Variants in ZNF865 observed in about 807,000 individuals in gnomAD.
ZNF865 encodes zinc finger protein 865.
For missense variants in ZNF865, 1,311 were observed against 1,593.4 expected (o/e 0.82, Z 3.02); for synonymous variants, 763 against 750.8 (o/e 1.02, Z -0.27).
chr19:55,609,750 C>T (rs1049771440), intron 1 of ZNF865, among the ~76,000 whole-genome samples: 1 of 152,140 alleles, frequency 6.6e-6, no homozygotes, highest in Non-Finnish European at 1.5e-5. Flanking sequence ...AAATGTGAAC[C>T]GTTAATACAC....
At position 55,614,241 on chromosome 19, in the gene ZNF865, A is replaced by G; in HGVS notation, c.623A>G (p.Asp208Gly). The part of the protein sequence containing the change: ...PAAAACDPTK[D>G]DKGYFRRLKY... ...GCGGCGGCCTGCGACCCCACCAAGGACGACAAGGGCTACTTCCGGAGACTG... is the reference window on the plus strand; with the variant it reads ...GCGGCGGCCTGCGACCCCACCAAGGGCGACAAGGGCTACTTCCGGAGACTG... The change falls in exon 2 of 2, where the codon GAC becomes GGC. Residue 208 changes from aspartate to glycine, a missense_variant. Transcript: ENST00000568956. This position sits in a 1 kb window ranked among gnomAD's most constrained non-coding sequence, Gnocchi z 8.0. The G allele has an allele frequency of 6.6e-7, 1 of 1,511,822 alleles. No individual in the cohort carries two copies. Among genetic ancestry groups the G allele is most frequent in the East Asian group, 2.6e-5 (1 of 38,076 alleles). 93.7% of individuals were successfully genotyped at this position (1,511,822 alleles called of 1,614,324 possible).
At chr19:55,612,741 T>G (rs1210986578) in intron 1 of ZNF865, 1 of 152,272 alleles carries the variant, frequency 6.6e-6, no homozygotes, top group Non-Finnish European at 1.5e-5. Context: ...ATGTGTGTGT[T>G]GAATCCTCAC....
At position 55,611,195 on chromosome 19, in the gene ZNF865, G is replaced by A. The variant is rs1226278229; in HGVS notation, c.-26-2398G>A. 1.3e-5 allele frequency among the ~76,000 whole-genome samples: 2 copies of A among 152,144 alleles called. No individual in the cohort carries two copies. The highest frequency in any genetic ancestry group is 6.5e-5 in the Admixed American group (1 of 15,274). ...GCGGGAACAGCTGCCCCTATTTAGAGTTGTGGGGAGTCAGTGAATTAATAT... is the reference window on the plus strand; with the variant it reads ...GCGGGAACAGCTGCCCCTATTTAGAATTGTGGGGAGTCAGTGAATTAATAT... On this transcript the variant is annotated intron_variant, in intron 1 of 1. Coordinates refer to ENST00000568956, the MANE Select transcript of ZNF865 (RefSeq NM_001195605.2). This position sits in a 1 kb window ranked among gnomAD's most constrained non-coding sequence, Gnocchi z 4.5.
rs915497398 is a variant in ZNF865 at position 55,615,603 on chromosome 19, G to A, written c.1985G>A (p.Gly662Glu). Residue 662 changes from glycine to glutamate, a missense_variant, in exon 2 of 2, where the codon GGG (glycine) becomes GAG (glutamate). Coordinates refer to ENST00000568956, the MANE Select transcript of ZNF865 (RefSeq NM_001195605.2). ...CGPGASGTSAGPTDGLSYACS... is the reference protein window; with the variant it reads ...CGPGASGTSAEPTDGLSYACS... ...CCCGGGGCCTCGGGCACGTCTGCAG[G>A]GCCCACCGATGGGCTGAGCTACGCC... The A allele has an allele frequency of 1.9e-5, 29 of 1,533,184 alleles. No individual in the cohort carries two copies. The highest frequency in any genetic ancestry group is 3.4e-4 in the Middle Eastern group (2 of 5,970). The allele number at this position is 1,533,184 out of a possible 1,614,324, so 95.0% of individuals were successfully genotyped here. A position where few individuals can be genotyped will look rare whatever the true frequency, so the allele number is the denominator to read the frequency against.
In ZNF865 at chr19:55,614,514, C is replaced by CCGCTGCCAG. The variant is rs1165312483; in HGVS notation, c.900_908dup (p.Ser302_Ala304dup). ...CTCCCGCCGCTGGGCCTCCCAGCACCCGCTGCCAGCGCCGCCACCGCCGCC... is the reference window on the plus strand; with the variant it reads ...CTCCCGCCGCTGGGCCTCCCAGCACCCGCTGCCAGCGCTGCCAGCGCCGCCACCGCCGCC... On this transcript the variant is annotated inframe_insertion, in exon 2 of 2. Transcript: ENST00000568956. This position sits in a 1 kb window ranked among gnomAD's most constrained non-coding sequence, Gnocchi z 8.0. 39 of 1,355,918 alleles carry CCGCTGCCAG rather than the reference C, an allele frequency of 2.9e-5. No individual in the cohort carries two copies. The highest frequency in any genetic ancestry group is 3.4e-5 in the Non-Finnish European group (36 of 1,061,720). The allele number at this position is 1,355,918 out of a possible 1,614,324, so 84.0% of individuals were successfully genotyped here. A position where few individuals can be genotyped will look rare whatever the true frequency, so the allele number is the denominator to read the frequency against.
Position 55,614,655 on chromosome 19 carries a change from G to T in ZNF865, c.1037G>T (p.Gly346Val). The T allele has an allele frequency of 1.3e-6, 2 of 1,538,924 alleles. No individual in the cohort carries two copies. Among genetic ancestry groups the T allele is most frequent in the Non-Finnish European group, 1.7e-6 (2 of 1,150,018 alleles). ...VGVPPPATGG[G>V]DGPFACPLCW... ...GTGCCCCCTCCTGCCACCGGGGGTG[G>T]CGATGGCCCGTTCGCCTGCCCACTC... Residue 346 changes from glycine to valine, a missense_variant, in exon 2 of 2, where the codon GGC becomes GTC. Transcript: ENST00000568956. This position sits in a 1 kb window ranked among gnomAD's most constrained non-coding sequence, Gnocchi z 8.0.
Position 55,616,787 on chromosome 19 carries a change from A to G in ZNF865, c.3169A>G (p.Lys1057Glu). 1 of 1,443,444 alleles carries G rather than the reference A, an allele frequency of 6.9e-7. No homozygotes were observed. The highest frequency in any genetic ancestry group is 1.4e-5 in the South Asian group (1 of 69,072). 89.4% of individuals were successfully genotyped at this position (1,443,444 alleles called of 1,614,324 possible). ...PGAGAGTLAG[K>E]DA is the part of the protein sequence containing the mutation. ...AGCAGGGGCGGGCACCTTGGCCGGGAAGGATGCCTGACCGAGGGGTTCCCA... is the reference window on the plus strand; with the variant it reads ...AGCAGGGGCGGGCACCTTGGCCGGGGAGGATGCCTGACCGAGGGGTTCCCA... Residue 1057 changes from lysine to glutamate, a missense_variant, in exon 2 of 2, where the codon AAG (lysine) becomes GAG (glutamate). Physicochemically the swap from Lys to Glu is moderately conservative, Grantham distance 56. Transcript: ENST00000568956.
Position 55,614,725 on chromosome 19 carries a change from G to C in ZNF865, c.1107G>C (p.Gln369His), listed in dbSNP as rs552586443. The C allele has an allele frequency of 5.0e-6, 8 of 1,587,202 alleles. No homozygotes were observed. The African/African-American group carries it at 9.4e-5, about 19-fold the overall frequency. Residue 369 changes from glutamine (Q) to histidine (H), a missense_variant, in exon 2 of 2, where the codon CAG (glutamine) becomes CAC (histidine). By Grantham distance (24) the Gln-to-His change is conservative (BLOSUM62 0). Transcript: ENST00000568956. The surrounding 1 kb of genome is among the most constrained non-coding windows in gnomAD (Gnocchi z 8.0). The part of the protein sequence containing the change: ...FKKPSHLHQH[Q>H]IIHTGEKPFS... ...AGCCCAGTCACCTCCACCAGCACCA[G>C]ATCATCCACACGGGCGAGAAGCCCT...
rs1237517990 is a variant in ZNF865 at position 55,616,099 on chromosome 19, G to C, written c.2481G>C (p.Gln827His). ...CCCTGGGCTGCGGCCTCTGCGGCCA[G>C]AGCTTCGCGGGCGCCTACGACTTGC... ...RRTLGCGLCG[Q>H]SFAGAYDLLL... Residue 827 changes from glutamine (Q) to histidine (H), a missense_variant, in exon 2 of 2, where the codon CAG (glutamine) becomes CAC (histidine). Gln to His is a conservative substitution (Grantham distance 24, BLOSUM62 0). Coordinates refer to ENST00000568956, the MANE Select transcript of ZNF865 (RefSeq NM_001195605.2). 2.0e-6 allele frequency: 3 copies of C among 1,490,240 alleles called. No individual in the cohort carries two copies. Among genetic ancestry groups the C allele is most frequent in the East Asian group, 2.5e-5 (1 of 39,542 alleles). The allele number at this position is 1,490,240 out of a possible 1,614,324, so 92.3% of individuals were successfully genotyped here.
At position 55,615,127 on chromosome 19, in the gene ZNF865, C is replaced by T; in HGVS notation, c.1509C>T (p.Ser503=). 4 of 1,194,886 alleles carry T rather than the reference C, an allele frequency of 3.3e-6. No homozygotes were observed. The highest frequency in any genetic ancestry group is 4.2e-6 in the Non-Finnish European group (4 of 963,856). 74.0% of individuals were successfully genotyped at this position (1,194,886 alleles called of 1,614,324 possible). ...LLPPDPPTTD[S]EKAAAAAAAV... The stretch of plus-strand genomic sequence containing the variant: ...CCCCCGACCCTCCCACCACAGACAG[C>T]GAGAAGGCGGCGGCGGCCGCGGCGG... The change falls in exon 2 of 2, where the codon AGC becomes AGT. Residue 503 remains serine (S), a synonymous_variant. Transcript: ENST00000568956.
Position 55,613,867 on chromosome 19 carries a change from C to T in ZNF865, c.249C>T (p.Ser83=). ...CGCAGTATGACTACCCGCCCCAGTCCACCTTCAAGCCCAAGGCGGAGGTGC... is the reference window on the plus strand; with the variant it reads ...CGCAGTATGACTACCCGCCCCAGTCTACCTTCAAGCCCAAGGCGGAGGTGC... ...PPPQYDYPPQ[S]TFKPKAEVPS... is the part of the protein sequence containing the mutation. Residue 83 remains serine, a synonymous_variant, in exon 2 of 2, where the codon TCC becomes TCT. Transcript: ENST00000568956. The T allele has an allele frequency of 6.7e-7, 1 of 1,500,076 alleles. No homozygotes were observed. The highest frequency in any genetic ancestry group is 1.2e-5 in the South Asian group (1 of 83,020). The allele number at this position is 1,500,076 out of a possible 1,614,324, so 92.9% of individuals were successfully genotyped here. A position where few individuals can be genotyped will look rare whatever the true frequency, so the allele number is the denominator to read the frequency against.
At position 55,615,445 on chromosome 19, in the gene ZNF865, G is replaced by A. The variant is rs1311310432; in HGVS notation, c.1827G>A (p.Glu609=). The change falls in exon 2 of 2, where the codon GAG becomes GAA. Residue 609 remains glutamate (E), a synonymous_variant. Transcript: ENST00000568956. Reference sequence around the variant, plus strand: ...CGCGCGAGCGGCCCTACAAGTGCGAGCTCTGCGGCAAGGTCTTCGGCTACC... The same window carrying A: ...CGCGCGAGCGGCCCTACAAGTGCGAACTCTGCGGCAAGGTCTTCGGCTACC... ...VHTRERPYKC[E]LCGKVFGYPQ... 2.0e-6 allele frequency: 3 copies of A among 1,498,160 alleles called. No homozygotes were observed. The African/African-American group carries it at 4.2e-5, about 21-fold the overall frequency. 92.8% of individuals were successfully genotyped at this position (1,498,160 alleles called of 1,614,324 possible). A position where few individuals can be genotyped will look rare whatever the true frequency, so the allele number is the denominator to read the frequency against.
chr19:55,615,527 GCCGGGGCAGCCGGCCTCCCCTCCA>G lies in ZNF865; in HGVS notation c.1912_1935del (p.Gly638_Thr645del), dbSNP rs761078091. The G allele has an allele frequency of 6.6e-7, 1 of 1,505,200 alleles. No individual in the cohort carries two copies. Among genetic ancestry groups the G allele is most frequent in the South Asian group, 1.3e-5 (1 of 79,966 alleles). 93.2% of individuals were successfully genotyped at this position (1,505,200 alleles called of 1,614,324 possible). On this transcript the variant is annotated inframe_deletion, in exon 2 of 2. Coordinates refer to ENST00000568956, the MANE Select transcript of ZNF865 (RefSeq NM_001195605.2). ...CCGGCTCCAGCTGCCCTGCGCCCTG[GCCGGGGCAGCCGGCCTCCCCTCCA>G]CCCAAGGCACACCGGGGGCCTGTGG...
At position 55,616,312 on chromosome 19, in the gene ZNF865, C is replaced by T; in HGVS notation, c.2694C>T (p.His898=). The T allele has an allele frequency of 1.3e-6, 2 of 1,521,960 alleles. No individual in the cohort carries two copies. Among genetic ancestry groups the T allele is most frequent in the Non-Finnish European group, 1.8e-6 (2 of 1,139,734 alleles). 94.3% of individuals were successfully genotyped at this position (1,521,960 alleles called of 1,614,324 possible). A position where few individuals can be genotyped will look rare whatever the true frequency, so the allele number is the denominator to read the frequency against. ...SWYLRQHRVV[H]TGERAFKCGV... ...ACCTGCGGCAGCACCGCGTGGTGCACACTGGCGAGCGGGCCTTCAAGTGCG... is the reference window on the plus strand; with the variant it reads ...ACCTGCGGCAGCACCGCGTGGTGCATACTGGCGAGCGGGCCTTCAAGTGCG... The change falls in exon 2 of 2, where the codon CAC becomes CAT. Residue 898 remains histidine, a synonymous_variant. Transcript: ENST00000568956.
intron 1 of ZNF865, 39 bp from the exon 2 acceptor site, chr19:55,613,554 G>A: frequency 1.4e-6 from 2 of 1,442,576 alleles, no homozygotes; most frequent in Non-Finnish European, 1.8e-6. Flanking sequence ...GAGACCCAGC[G>A]CCGCGGCCGT....
At chr19:55,606,011 G>GAGAT (rs778749087) in intron 1 of ZNF865, among the ~76,000 whole-genome samples, 30 of 152,198 alleles carry the variant, frequency 2.0e-4, no homozygotes, top group Non-Finnish European at 4.3e-4. Flanking sequence ...CTCCTCGTAG[G>GAGAT]ATCCCCTCCA....
At position 55,615,331 on chromosome 19, in the gene ZNF865, C is replaced by T. The variant is rs1236361315; in HGVS notation, c.1713C>T (p.Ile571=). 2 of 1,522,950 alleles carry T rather than the reference C, an allele frequency of 1.3e-6. No homozygotes were observed. Among genetic ancestry groups the T allele is most frequent in the South Asian group, 1.2e-5 (1 of 82,112 alleles). 94.3% of individuals were successfully genotyped at this position (1,522,950 alleles called of 1,614,324 possible). The change falls in exon 2 of 2, where the codon ATC becomes ATT. Residue 571 remains isoleucine (I), a synonymous_variant. Transcript: ENST00000568956. The part of the protein sequence containing the change: ...RRETLKRHER[I]HTGEKPHQCP... ...AGACCCTGAAGCGCCATGAGCGCAT[C>T]CACACGGGCGAGAAGCCCCACCAGT... is the stretch of plus-strand genomic sequence containing the variant.
intron 1 of ZNF865, among the ~76,000 whole-genome samples, chr19:55,610,947 C>T (rs1413777754): frequency 6.6e-6 from 1 of 152,140 alleles, no homozygotes; most frequent in African/African-American, 2.4e-5. Context: ...CCACCAGGCC[C>T]CTTGTATAGA....
intron 1 of ZNF865, among the ~76,000 whole-genome samples, chr19:55,607,735 T>C (rs1980993934): frequency 6.6e-6 from 1 of 152,172 alleles, no homozygotes; most frequent in African/African-American, 2.4e-5. Flanking sequence ...AAAATTCCCC[T>C]TCTCCTGGAC....
Sources: gnomAD v4.1 joint callset for allele counts (sites outside exome capture counted in the v4.1 genomes callset) on GRCh38, gnomAD v4.1.1 for gene constraint, Gnocchi (gnomAD v3.1) non-coding constraint, MANE v1.5 for transcripts, NCBI Gene and HGNC (gene_info 2026-07-23, HGNC 2026-07-21) for gene names.